Variants in ST3GAL2 observed in about 807,000 individuals in gnomAD.
ST3GAL2 encodes the protein CMP-N-acetylneuraminate-beta-galactosamide-alpha-2,3-sialyltransferase 2.
A neutral mutation model predicts 37.5 loss-of-function variants in ST3GAL2; 16 were observed. The ratio of observed to expected loss-of-function variants is 0.43; its 90% CI spans 0.29 to 0.65. The LOEUF (loss-of-function observed/expected upper bound fraction) is 0.65. Among genes scored for constraint, ST3GAL2 ranks in the 30% least tolerant of loss-of-function variants. The pLI is 0.17. For synonymous variants in ST3GAL2, 238 were observed against 202.9 expected, an observed-to-expected ratio of 1.17 and a Z score of -1.47; for missense variants, 383 against 487.8, an observed-to-expected ratio of 0.79 and a Z score of 2.02.
At chr16:70,435,471 G>A (rs144970707) in intron 1 of ST3GAL2, among the ~76,000 whole-genome samples, 3,305 of 152,222 alleles carry the variant, frequency 0.022, 53 homozygotes, top group Non-Finnish European at 0.034. Flanking sequence ...GGTGGCGCAT[G>A]CCTGTAATCC....
intron 1 of ST3GAL2, among the ~76,000 whole-genome samples, chr16:70,414,873 A>ATTAT (rs369947619): frequency 6.7e-6 from 1 of 148,258 alleles, no homozygotes; most frequent in African/African-American, 2.6e-5. Flanking sequence ...TTATTTATTT[A>ATTAT]TTATTTATTT....
chr16:70,386,891 G>A (rs1291000760), intron 4 of ST3GAL2, among the ~76,000 whole-genome samples: 3 of 150,018 alleles, frequency 2.0e-5, no homozygotes, highest in Non-Finnish European at 3.0e-5. Context: ...TGATCCACCC[G>A]CCTTGGCCTC....
At chr16:70,427,338 C>CTTT (rs561028894) in intron 1 of ST3GAL2, among the ~76,000 whole-genome samples, 3 of 132,966 alleles carry the variant, frequency 2.3e-5, no homozygotes, top group Admixed American at 7.5e-5. Context: ...ACCCAGTCTT[C>CTTT]TTTTTTTTTT....
chr16:70,404,265 A>C (rs1488824757), intron 1 of ST3GAL2, among the ~76,000 whole-genome samples: 2 of 152,146 alleles, frequency 1.3e-5, no homozygotes, highest in Admixed American at 1.3e-4. Flanking sequence ...GCAGGGGGAA[A>C]AACAGCCCTG....
At position 70,382,789 on chromosome 16, in the gene ST3GAL2, C is replaced by G. The variant is rs1398713471; in HGVS notation, c.879+16G>C. 6 of 1,613,734 alleles carry G rather than the reference C, an allele frequency of 3.7e-6. No homozygotes were observed. Among genetic ancestry groups the G allele is most frequent in the Non-Finnish European group, 5.1e-6 (6 of 1,179,854 alleles). ...GTTCCATGGGTTCCCACCACCCACA[C>G]CACGGGCCTACCCACCTCATCACAC... is the stretch of plus-strand genomic sequence containing the variant. On this transcript the variant is annotated intron_variant, in intron 6 of 6. Coordinates refer to ENST00000342907, the MANE Select transcript of ST3GAL2 (RefSeq NM_006927.4).
intron 1 of ST3GAL2, among the ~76,000 whole-genome samples, chr16:70,413,340 A>G (rs2047652331): frequency 6.6e-6 from 1 of 151,504 alleles, no homozygotes; most frequent in Non-Finnish European, 1.5e-5. Flanking sequence ...CATTTGAACC[A>G]GGGAAGTCAA....
At chr16:70,403,026 G>A (rs1048666773) in intron 1 of ST3GAL2, among the ~76,000 whole-genome samples, 4 of 152,178 alleles carry the variant, frequency 2.6e-5, no homozygotes, top group Admixed American at 2.0e-4. Context: ...GATGCATTTC[G>A]TAGTAAAATC....
chr16:70,382,934 G>A lies in ST3GAL2; in HGVS notation c.760-10C>T. 2 of 1,612,276 alleles carry A rather than the reference G, an allele frequency of 1.2e-6. No homozygotes were observed. Among genetic ancestry groups the A allele is most frequent in the Non-Finnish European group, 1.7e-6 (2 of 1,179,122 alleles). On this transcript the variant is annotated splice_polypyrimidine_tract_variant and intron_variant, in intron 5 of 6. Coordinates refer to ENST00000342907, the MANE Select transcript of ST3GAL2 (RefSeq NM_006927.4). ...GGTTGTAGATCTGGACCTGGGAGGA[G>A]AAGGGATGACAGGTATATGAGGGGT... is the stretch of plus-strand genomic sequence containing the variant.
At chr16:70,416,454 G>A (rs893408921) in intron 1 of ST3GAL2, among the ~76,000 whole-genome samples, 3 of 152,092 alleles carry the variant, frequency 2.0e-5, no homozygotes, top group Non-Finnish European at 4.4e-5. Context: ...AACTCTCAGG[G>A]TACAGAGACA....
chr16:70,409,462 G>C (rs919017349), intron 1 of ST3GAL2, among the ~76,000 whole-genome samples: 4 of 152,210 alleles, frequency 2.6e-5, no homozygotes, highest in Non-Finnish European at 5.9e-5. Flanking sequence ...TCCTGCCTCG[G>C]TCTCCTGAGT....
chr16:70,388,646 G>T, intron 3 of ST3GAL2, 100 bp from the exon 4 acceptor site: 1 of 1,327,624 alleles, frequency 7.5e-7, no homozygotes, highest in Non-Finnish European at 1.0e-6. Context: ...ATGCAAACGG[G>T]TGTATACTCC....
intron 5 of ST3GAL2, 68 bp from the exon 6 acceptor site, chr16:70,382,992 C>T (rs1171114535): frequency 6.3e-7 from 1 of 1,593,012 alleles, no homozygotes; most frequent in Non-Finnish European, 8.6e-7. Context: ...GACTGAGCAG[C>T]TTCTACTTGT....
intron 1 of ST3GAL2, among the ~76,000 whole-genome samples, chr16:70,404,016 T>C (rs1221204557): frequency 6.6e-6 from 1 of 152,076 alleles, no homozygotes; most frequent in Non-Finnish European, 1.5e-5. Flanking sequence ...GAAAGTTTTT[T>C]AGACATCCAC....
intron 3 of ST3GAL2, among the ~76,000 whole-genome samples, chr16:70,390,016 G>A (rs540612198): frequency 6.6e-6 from 1 of 151,910 alleles, no homozygotes; most frequent in African/African-American, 2.4e-5. Context: ...TGGATCTCCT[G>A]ACCTCGTGAT....
Position 70,381,734 on chromosome 16 carries a change from G to A in ST3GAL2, c.1008C>T (p.Asp336=). 2.5e-6 allele frequency: 4 copies of A among 1,614,092 alleles called. No homozygotes were observed. The highest frequency in any genetic ancestry group is 3.4e-6 in the Non-Finnish European group (4 of 1,179,962). Residue 336 remains aspartate (D), a synonymous_variant, in exon 7 of 7, where the codon GAC becomes GAT. Coordinates refer to ENST00000342907, the MANE Select transcript of ST3GAL2 (RefSeq NM_006927.4). ...CGATCTTGCTGGCCTTGGCCAGCAT[G>A]TCGATGATGTGGGCCTCGAAGTCCG... ...HDADFEAHII[D]MLAKASKIEV... is the part of the protein sequence containing the mutation.
At chr16:70,402,898 G>A (rs1004787741) in intron 1 of ST3GAL2, among the ~76,000 whole-genome samples, 3 of 152,110 alleles carry the variant, frequency 2.0e-5, no homozygotes, top group Non-Finnish European at 4.4e-5. Context: ...TGATCCACCC[G>A]CCTCAGCCTC....
chr16:70,377,210 G>A lies in ST3GAL2; in HGVS notation c.*4479C>T, dbSNP rs1006970635. Reference sequence around the variant, plus strand: ...AAAAAAAAAAAAAAAAAAAGGGTCTGGTGGCTCACGCCTGTAATCCTACCA... The same window carrying A: ...AAAAAAAAAAAAAAAAAAAGGGTCTAGTGGCTCACGCCTGTAATCCTACCA... On this transcript the variant is annotated 3_prime_UTR_variant, in exon 7 of 7. Transcript: ENST00000342907. 1 of 145,142 alleles carries A rather than the reference G, an allele frequency of 6.9e-6. No homozygotes were observed. The highest frequency in any genetic ancestry group is 2.6e-5 in the African/African-American group (1 of 38,028). 9.0% of individuals were successfully genotyped at this position (145,142 alleles called of 1,614,324 possible). A position where few individuals can be genotyped will look rare whatever the true frequency, so the allele number is the denominator to read the frequency against.
chr16:70,408,471 G>C (rs1272661044), intron 1 of ST3GAL2, among the ~76,000 whole-genome samples: 5 of 152,056 alleles, frequency 3.3e-5, no homozygotes, highest in Admixed American at 3.3e-4. Flanking sequence ...CTCAAAAGCA[G>C]CGAGGCCTGT....
intron 1 of ST3GAL2, among the ~76,000 whole-genome samples, chr16:70,411,023 G>A (rs1027794393): frequency 1.3e-5 from 2 of 152,076 alleles, no homozygotes; most frequent in African/African-American, 4.8e-5. Flanking sequence ...TTGGTTTGAG[G>A]ATGGACCAGC....
Sources: allele counts gnomAD v4.1 joint callset (sites outside exome capture counted in the v4.1 genomes callset), GRCh38; gene constraint gnomAD v4.1.1; transcripts MANE v1.5; gene names NCBI Gene and HGNC (gene_info 2026-07-23, HGNC 2026-07-21).